Variants in MTMR10 observed in about 807,000 individuals in gnomAD.
MTMR10 encodes myotubularin related protein 10.
A neutral mutation model predicts 88.1 loss-of-function variants in MTMR10; 56 were observed. The observed-to-expected ratio is 0.64, with a 90% CI of 0.51 to 0.79. The LOEUF is 0.79. Ranked by LOEUF, MTMR10 falls within the 30% of genes least tolerant of loss-of-function variation. The pLI, the probability that MTMR10 is intolerant of heterozygous loss-of-function variation, is 0.00. For missense variants in MTMR10, 883 were observed against 924.7 expected, an observed-to-expected ratio of 0.95 and a Z score of 0.58; for synonymous variants, 380 against 340.9, an observed-to-expected ratio of 1.11 and a Z score of -1.26.
At chr15:30,952,142 C>A in intron 11 of MTMR10, 104 bp from the exon 12 acceptor site, 1 of 958,832 alleles carries the variant, frequency 1.0e-6, no homozygotes, top group South Asian at 1.4e-5. Context: ...TACAGATGCT[C>A]TCTGATCATG....
chr15:30,929,696 T>TATATA, the MTMR10 span, among the ~76,000 whole-genome samples: 1 of 89,540 alleles, frequency 1.1e-5, no homozygotes, highest in Non-Finnish European at 2.2e-5. Context: ...ATATATAAAA[T>TATATA]ATATATTATA....
intron 6 of MTMR10, 70 bp from the exon 7 acceptor site, chr15:30,961,143 T>C: frequency 6.7e-7 from 1 of 1,487,476 alleles, no homozygotes; most frequent in Non-Finnish European, 8.9e-7. Flanking sequence ...TCTCTGAGCC[T>C]CCTGTCACAT....
At chr15:30,928,798 T>G in the MTMR10 span, 4 of 1,471,918 alleles carry the variant, frequency 2.7e-6, no homozygotes, top group Non-Finnish European at 3.6e-6. Context: ...AGATGATAAC[T>G]TATTTTAAAA....
chr15:30,967,853 C>T (rs929276883), intron 6 of MTMR10, 67 bp downstream of exon 6: 16 of 1,314,906 alleles, frequency 1.2e-5, no homozygotes, highest in African/African-American at 1.5e-5. Context: ...TGGAGGCTTC[C>T]GGTAAACATA....
Position 30,941,790 on chromosome 15 carries a change from G to C in MTMR10, c.2014C>G (p.Leu672Val). The stretch of plus-strand genomic sequence containing the variant: ...TGAAAGGCTGTGATGGAGCCACCCA[G>C]GCTGATCTGGGCCTCGGGAACCCAG... ...FRWVPEAQIS[L>V]GGSITAFHKL... The change falls in exon 16 of 16, where the codon CTG becomes GTG. Residue 672 changes from leucine (L) to valine (V), a missense_variant. Leu to Val is a conservative substitution (Grantham distance 32, BLOSUM62 1). Around this residue, in one of 3 missense-constraint regions of MTMR10, gnomAD observed 343 missense variants for 323.2 expected, o/e 1.06. Transcript: ENST00000435680. The C allele has an allele frequency of 6.2e-7, 1 of 1,614,044 alleles. No homozygotes were observed. The highest frequency in any genetic ancestry group is 8.5e-7 in the Non-Finnish European group (1 of 1,179,890).
chr15:30,929,781 ATATC>A, the MTMR10 span, among the ~76,000 whole-genome samples: 3 of 50,618 alleles, frequency 5.9e-5, no homozygotes, highest in African/African-American at 2.6e-4. Context: ...ATAATATATT[ATATC>A]ATATATAATA....
intron 14 of MTMR10, chr15:30,943,404 A>ATAAT (rs1566945188): frequency 1.0e-6 from 1 of 984,530 alleles, no homozygotes; most frequent in African/African-American, 1.7e-5. Flanking sequence ...ATTTATTTCT[A>ATAAT]TAATTACAGT....
At chr15:30,968,578 A>ACAC (rs1555410069) in intron 5 of MTMR10, among the ~76,000 whole-genome samples, 15 of 91,730 alleles carry the variant, frequency 1.6e-4, no homozygotes, top group African/African-American at 4.3e-4. Context: ...CACACACACA[A>ACAC]ACTGTGTTTA....
intron 6 of MTMR10, among the ~76,000 whole-genome samples, chr15:30,961,702 C>G (rs1461822874): frequency 6.6e-6 from 1 of 152,216 alleles, no homozygotes; most frequent in Non-Finnish European, 1.5e-5. Flanking sequence ...CCGGACCACT[C>G]TAGCTACTAT....
intron 14 of MTMR10, 28 bp downstream of exon 14, chr15:30,947,102 A>G (rs1333983956): frequency 2.6e-6 from 4 of 1,561,442 alleles, no homozygotes; most frequent in African/African-American, 1.4e-5. Flanking sequence ...AACAGGGAAA[A>G]CGTAGCCACA....
At chr15:30,921,240 AC>A in the MTMR10 span, among the ~76,000 whole-genome samples, 1 of 152,140 alleles carries the variant, frequency 6.6e-6, no homozygotes, top group Non-Finnish European at 1.5e-5. Context: ...GGTGGCGGCC[AC>A]CATCCTGGAG....
chr15:30,956,881 C>G lies in MTMR10; in HGVS notation c.935+1982G>C, dbSNP rs1248006819. On this transcript the variant is annotated intron_variant, in intron 9 of 15. Transcript: ENST00000435680. ...TCATCAGCATGTATGCTAATGAAAA[C>G]AAGGCTTGGAGTATGACACAGCAGA... is the stretch of plus-strand genomic sequence containing the variant. Among the ~76,000 whole-genome samples the G allele has an allele frequency of 5.9e-5, 9 of 152,268 alleles. No individual in the cohort carries two copies. The South Asian group carries it at 1.2e-3, about 21-fold the overall frequency.
chr15:30,934,319 T>C (rs771084231), downstream of MTMR10, among the ~76,000 whole-genome samples: 1 of 152,234 alleles, frequency 6.6e-6, no homozygotes, highest in Non-Finnish European at 1.5e-5. Flanking sequence ...TTATTTTTAA[T>C]GTGGATTTCC....
intron 6 of MTMR10, 66 bp from the exon 7 acceptor site, chr15:30,961,139 A>G: frequency 6.7e-7 from 1 of 1,491,252 alleles, no homozygotes; most frequent in Non-Finnish European, 8.9e-7. Context: ...CTCTTCTCTG[A>G]GCCTCCTGTC....
chr15:30,935,496 C>G (rs1479076213), downstream of MTMR10, among the ~76,000 whole-genome samples: 2 of 151,938 alleles, frequency 1.3e-5, no homozygotes, highest in Non-Finnish European at 2.9e-5. Context: ...AATAAAAATA[C>G]AGCATAACAA....
At chr15:30,925,138 C>T in the MTMR10 span, 3 of 1,613,558 alleles carry the variant, frequency 1.9e-6, no homozygotes, top group Admixed American at 5.0e-5. Flanking sequence ...CTATCAAGTG[C>T]ATCACAGAGG....
intron 14 of MTMR10, among the ~76,000 whole-genome samples, chr15:30,945,630 C>G (rs895598675): frequency 6.6e-6 from 1 of 151,996 alleles, no homozygotes. Flanking sequence ...AAGCCTAGCT[C>G]GAGGCAGAGA....
At chr15:30,979,558 C>CA (rs11414857) in intron 2 of MTMR10, among the ~76,000 whole-genome samples, 1,975 of 145,968 alleles carry the variant, frequency 0.014, 44 homozygotes, top group African/African-American at 0.043. Context: ...GACTCCATCT[C>CA]AAAAAAAAAA....
In MTMR10 at chr15:30,939,722, T is replaced by TA. The variant is rs1202073622; in HGVS notation, c.*1747dup. 1 of 979,984 alleles carries TA rather than the reference T, an allele frequency of 1.0e-6. No individual in the cohort carries two copies. Among genetic ancestry groups the TA allele is most frequent in the Non-Finnish European group, 1.2e-6 (1 of 825,042 alleles). 60.7% of individuals were successfully genotyped at this position (979,984 alleles called of 1,614,324 possible). A position where few individuals can be genotyped will look rare whatever the true frequency, so the allele number is the denominator to read the frequency against. On this transcript the variant is annotated 3_prime_UTR_variant, in exon 16 of 16. Transcript: ENST00000435680. ...CTCAATCCAAAACATTTAGTAATAA[T>TA]AAAAAAGCAGCTAAATGAAAAAGGG... is the stretch of plus-strand genomic sequence containing the variant.
Sources: allele counts gnomAD v4.1 joint callset (sites outside exome capture counted in the v4.1 genomes callset), GRCh38; gene constraint gnomAD v4.1.1; regional missense constraint gnomAD v4.1.1; transcripts MANE v1.5; gene names NCBI Gene and HGNC (gene_info 2026-07-23, HGNC 2026-07-21).